Variants in HOMER1 observed in about 807,000 individuals in gnomAD.
HOMER1 encodes the protein homer protein homolog 1.
HOMER1 carries 3 observed loss-of-function variants against 48.9 expected under a neutral mutation model. That is an observed-to-expected ratio of 0.06 (90% CI 0.03 to 0.16). HOMER1 has a LOEUF of 0.16. HOMER1 is among the 10% of genes least tolerant of loss of function. The probability of loss-of-function intolerance (pLI) is 1.00; values close to 1 mark genes in which losing one functional copy is unlikely to be tolerated. For synonymous variants in HOMER1, 134 were observed against 146.4 expected, an observed-to-expected ratio of 0.92 and a Z score of 0.61; for missense variants, 247 against 411.4, an observed-to-expected ratio of 0.60 and a Z score of 3.46.
intron 1 of HOMER1, among the ~76,000 whole-genome samples, chr5:79,462,406 T>C (rs960257068): frequency 6.6e-6 from 1 of 152,220 alleles, no homozygotes. Flanking sequence ...CTCAAGTTCT[T>C]CATCTTGAGC....
At chr5:79,490,949 A>G (rs1752255002) in intron 1 of HOMER1, among the ~76,000 whole-genome samples, 1 of 149,744 alleles carries the variant, frequency 6.7e-6, no homozygotes, top group Non-Finnish European at 1.5e-5. Flanking sequence ...AAATAAATAG[A>G]TAAATAGATA....
chr5:79,375,827 A>T lies in HOMER1; in HGVS notation c.*182T>A, dbSNP rs1413298527. 2.4e-6 allele frequency: 1 copy of T among 408,294 alleles called. No homozygotes were observed. The highest frequency in any genetic ancestry group is 4.3e-6 in the Non-Finnish European group (1 of 233,262). The allele number at this position is 408,294 out of a possible 1,614,324, so 25.3% of individuals were successfully genotyped here. A position where few individuals can be genotyped will look rare whatever the true frequency, so the allele number is the denominator to read the frequency against. ...TCATCTTTTTTCCCCAACTAGCTACAAGCTGGATTCTAAAATTTACAGTGA... is the reference window on the plus strand; with the variant it reads ...TCATCTTTTTTCCCCAACTAGCTACTAGCTGGATTCTAAAATTTACAGTGA... On this transcript the variant is annotated 3_prime_UTR_variant, in exon 9 of 9. Transcript: ENST00000334082.
chr5:79,384,886 G>C (rs1749070127), intron 8 of HOMER1, among the ~76,000 whole-genome samples: 1 of 151,694 alleles, frequency 6.6e-6, no homozygotes, highest in Admixed American at 6.6e-5. Flanking sequence ...CAGAATGAAG[G>C]AAAAAAATAT....
At chr5:79,503,075 CTG>C (rs1752648932) in intron 1 of HOMER1, among the ~76,000 whole-genome samples, 1 of 152,186 alleles carries the variant, frequency 6.6e-6, no homozygotes, top group African/African-American at 2.4e-5. Flanking sequence ...GCGTGAGCCA[CTG>C]CGCCCAGCCT....
At chr5:79,509,423 T>G (rs1408731513) in intron 1 of HOMER1, among the ~76,000 whole-genome samples, 4 of 151,724 alleles carry the variant, frequency 2.6e-5, no homozygotes, top group Non-Finnish European at 5.9e-5. Context: ...TTACTTGATT[T>G]CTGTTGCCTA....
chr5:79,475,747 G>A (rs1248284672), intron 1 of HOMER1, among the ~76,000 whole-genome samples: 1 of 152,078 alleles, frequency 6.6e-6, no homozygotes, highest in Non-Finnish European at 1.5e-5. Context: ...CAAGAACTAG[G>A]ATAATTGTAA....
At chr5:79,377,763 C>T (rs1301638000) in intron 8 of HOMER1, among the ~76,000 whole-genome samples, 2 of 151,968 alleles carry the variant, frequency 1.3e-5, no homozygotes, top group African/African-American at 2.4e-5. Context: ...GGCAAAAATT[C>T]GTATGCATGA....
chr5:79,388,168 TAAACG>T (rs1249683340), intron 8 of HOMER1, among the ~76,000 whole-genome samples: 8 of 151,994 alleles, frequency 5.3e-5, no homozygotes, highest in African/African-American at 1.9e-4. Flanking sequence ...CTTAACAGTA[TAAACG>T]AAACTTGAGG....
chr5:79,502,021 ATTTTT>A (rs10674187), intron 1 of HOMER1, among the ~76,000 whole-genome samples: 2 of 130,056 alleles, frequency 1.5e-5, no homozygotes, highest in African/African-American at 2.9e-5. Context: ...GGTCCTGATA[ATTTTT>A]TTTTTTTTTT....
At chr5:79,405,343 T>C (rs1029766195) in intron 5 of HOMER1, among the ~76,000 whole-genome samples, 35 of 152,160 alleles carry the variant, frequency 2.3e-4, no homozygotes, top group African/African-American at 8.4e-4. Flanking sequence ...TAGATTTCTA[T>C]AGTTTAAGCC....
intron 1 of HOMER1, among the ~76,000 whole-genome samples, chr5:79,465,729 A>G (rs1580001695): frequency 6.6e-6 from 1 of 151,324 alleles, no homozygotes; most frequent in Admixed American, 6.6e-5. Context: ...AGTAGCTGGG[A>G]CTACAGGCAC....
chr5:79,398,021 G>C (rs1285681850), intron 6 of HOMER1: 2 of 154,006 alleles, frequency 1.3e-5, no homozygotes, highest in African/African-American at 2.4e-5. Flanking sequence ...TGGCCTTGCA[G>C]AAGTGAGAAT....
chr5:79,481,414 C>T (rs1751940657), intron 1 of HOMER1, among the ~76,000 whole-genome samples: 1 of 152,210 alleles, frequency 6.6e-6, no homozygotes, highest in South Asian at 2.1e-4. Context: ...TTCTTGCTTA[C>T]TGGAGAGAGC....
At chr5:79,425,064 G>A (rs1328276784) in intron 5 of HOMER1, among the ~76,000 whole-genome samples, 1 of 151,810 alleles carries the variant, frequency 6.6e-6, no homozygotes, top group Non-Finnish European at 1.5e-5. Context: ...GTGATGATTG[G>A]GTCTTTTTAA....
intron 3 of HOMER1, 139 bp from the exon 4 acceptor site, chr5:79,447,284 A>C: frequency 1.7e-6 from 1 of 602,854 alleles, no homozygotes; most frequent in South Asian, 2.0e-5. Context: ...ATAGCTTCTA[A>C]TATGAAAATG....
In HOMER1 at chr5:79,409,211, T is replaced by A. The variant is rs547289118; in HGVS notation, c.528-7156A>T. ...ACTTTGGGAGGTCAAGGTGGGCAGA[T>A]CACTTGAGGCCAGGAGTTTGAGACC... On this transcript the variant is annotated intron_variant, in intron 5 of 8. Transcript: ENST00000334082. Among the ~76,000 whole-genome samples the A allele has an allele frequency of 2.6e-5, 4 of 151,564 alleles. No individual in the cohort carries two copies. In the South Asian group the frequency reaches 8.4e-4, roughly 32 times the overall value.
chr5:79,486,496 T>C (rs1275994038), intron 1 of HOMER1, among the ~76,000 whole-genome samples: 2 of 152,170 alleles, frequency 1.3e-5, no homozygotes, highest in African/African-American at 4.8e-5. Flanking sequence ...TATACAGGCA[T>C]TGTTGTAGGT....
intron 5 of HOMER1, among the ~76,000 whole-genome samples, chr5:79,404,442 T>C (rs1391204521): frequency 6.6e-6 from 1 of 152,198 alleles, no homozygotes. Flanking sequence ...AGCACTTTGG[T>C]TCTCAGTTCT....
chr5:79,506,072 CTTA>C (rs1178249195), intron 1 of HOMER1, among the ~76,000 whole-genome samples: 1 of 151,782 alleles, frequency 6.6e-6, no homozygotes, highest in Non-Finnish European at 1.5e-5. Context: ...CTAAATTGTA[CTTA>C]CCAGAGAAGT....
Sources: gnomAD v4.1 joint callset for allele counts (sites outside exome capture counted in the v4.1 genomes callset) on GRCh38, gnomAD v4.1.1 for gene constraint, MANE v1.5 for transcripts, NCBI Gene and HGNC (gene_info 2026-07-23, HGNC 2026-07-21) for gene names.